The following TXNRD1 variants were observed in gnomAD, a reference collection of about 807,000 sequenced individuals.
TXNRD1 encodes the protein thioredoxin reductase 1, also known as thioredoxin reductase 1, cytoplasmic.
In TXNRD1, 57 loss-of-function variants were observed where a neutral mutation model predicts 80.3. That is an observed-to-expected ratio of 0.71 (90% CI 0.57 to 0.89). The LOEUF is 0.89. Among genes scored for constraint, TXNRD1 ranks in the 40% least tolerant of loss-of-function variants. The pLI is 0.00. For synonymous variants in TXNRD1, 291 were observed against 285.2 expected, an observed-to-expected ratio of 1.02 and a Z score of -0.20; for missense variants, 730 against 803.0, an observed-to-expected ratio of 0.91 and a Z score of 1.10.
chr12:104,285,730 T>A (rs2033956520), intron 3 of TXNRD1, among the ~76,000 whole-genome samples: 1 of 152,214 alleles, frequency 6.6e-6, no homozygotes, highest in Non-Finnish European at 1.5e-5. Context: ...GATAAAGGCA[T>A]ATAAAATTAT....
At chr12:104,316,746 T>G (rs2035341404) in intron 7 of TXNRD1, among the ~76,000 whole-genome samples, 1 of 152,218 alleles carries the variant, frequency 6.6e-6, no homozygotes, top group African/African-American at 2.4e-5. Context: ...AAATGAGATC[T>G]GGCATAGCTT....
chr12:104,253,161 C>G (rs1284287823), intron 2 of TXNRD1, among the ~76,000 whole-genome samples: 2 of 152,064 alleles, frequency 1.3e-5, no homozygotes, highest in African/African-American at 4.8e-5. Context: ...CTGTTTCTCT[C>G]TCTCGTTCTG....
At chr12:104,226,181 C>T (rs2032468673) in intron 1 of TXNRD1, among the ~76,000 whole-genome samples, 1 of 151,744 alleles carries the variant, frequency 6.6e-6, no homozygotes, top group South Asian at 2.1e-4. Context: ...GCCTGGGCAA[C>T]AAGAGTGAAA....
chr12:104,309,780 C>A (rs551394580), intron 4 of TXNRD1: 1 of 1,532,236 alleles, frequency 6.5e-7, no homozygotes, highest in East Asian at 2.5e-5. Context: ...GAAGGAGGAA[C>A]CTTGGCCATA....
chr12:104,244,679 A>C lies in TXNRD1; in HGVS notation c.92-6848A>C, dbSNP rs1593700483. Among the ~76,000 whole-genome samples the C allele has an allele frequency of 2.6e-5, 4 of 152,356 alleles. 1 individual carries two copies. Among genetic ancestry groups the C allele is most frequent in the Admixed American group, 2.6e-4 (4 of 15,296 alleles). On this transcript the variant is annotated intron_variant, in intron 1 of 16. Transcript: ENST00000525566. ...TTTGAATCTTGAATAGTATGCAGCC[A>C]CTAAATAAGGTTAGAACAAGAGAGC...
rs377460054 is a variant in TXNRD1 at position 104,270,372 on chromosome 12, A to G, written c.304+12293A>G. Among the ~76,000 whole-genome samples the G allele has an allele frequency of 3.9e-5, 6 of 152,348 alleles. No individual in the cohort carries two copies. In the East Asian group the frequency reaches 5.8e-4, roughly 15 times the overall value. ...GATTTTGTTAGTAGTCATGAAAACA[A>G]CATTCATCTCCTTGTACATCTCCAT... On this transcript the variant is annotated intron_variant, in intron 3 of 16. Transcript: ENST00000525566.
At position 104,249,919 on chromosome 12, in the gene TXNRD1, G is replaced by C. The variant is rs569637343; in HGVS notation, c.92-1608G>C. ...CCACTGTACTCCAGCCTTGGCAACA[G>C]AGCGAGACGCCGTCTCAAAAAAAAA... On this transcript the variant is annotated intron_variant, in intron 1 of 16. Transcript: ENST00000525566. Among the ~76,000 whole-genome samples the C allele has an allele frequency of 3.6e-4, 44 of 123,008 alleles. 1 individual carries two copies. The South Asian group carries it at 0.012, about 33-fold the overall frequency. 80.7% of individuals were successfully genotyped at this position (123,008 alleles called of 152,430 possible). A position where few individuals can be genotyped will look rare whatever the true frequency, so the allele number is the denominator to read the frequency against.
At chr12:104,297,174 G>A (rs950354329) in intron 4 of TXNRD1, among the ~76,000 whole-genome samples, 9 of 151,336 alleles carry the variant, frequency 5.9e-5, no homozygotes, top group Middle Eastern at 3.4e-3. Flanking sequence ...GTGTGTTGGC[G>A]GGCGCCTGTA....
intron 4 of TXNRD1, chr12:104,290,879 A>C (rs1387316968): frequency 3.7e-6 from 2 of 534,290 alleles, no homozygotes; most frequent in Non-Finnish European, 6.5e-6. Flanking sequence ...TTTTAATGGC[A>C]ATGGGAGTAA....
At chr12:104,254,830 C>T (rs1007159824) in intron 2 of TXNRD1, among the ~76,000 whole-genome samples, 16 of 151,220 alleles carry the variant, frequency 1.1e-4, no homozygotes, top group African/African-American at 2.7e-4. Flanking sequence ...TACATATGGG[C>T]GCAGTGGCTC....
intron 4 of TXNRD1, among the ~76,000 whole-genome samples, chr12:104,297,482 C>G (rs971685651): frequency 6.6e-6 from 1 of 151,958 alleles, no homozygotes; most frequent in African/African-American, 2.4e-5. Context: ...TCTCCTGCCT[C>G]AGTCTCCCGA....
chr12:104,330,880 G>A (rs2035925169), intron 13 of TXNRD1, among the ~76,000 whole-genome samples: 1 of 152,024 alleles, frequency 6.6e-6, no homozygotes, highest in South Asian at 2.1e-4. Context: ...GAGCCACTGC[G>A]CCCGGCCCTA....
At chr12:104,245,008 G>C (rs908141738) in intron 1 of TXNRD1, among the ~76,000 whole-genome samples, 1 of 152,150 alleles carries the variant, frequency 6.6e-6, no homozygotes, top group African/African-American at 2.4e-5. Flanking sequence ...GTTCCACTGG[G>C]TTTTACAGGA....
chr12:104,305,042 T>C (rs748364689), intron 4 of TXNRD1: 18 of 1,197,484 alleles, frequency 1.5e-5, no homozygotes, highest in Non-Finnish European at 1.9e-5. Context: ...TGAAAAAGTA[T>C]TTTCAAGAAC....
chr12:104,316,780 C>T (rs1191851520), intron 7 of TXNRD1, among the ~76,000 whole-genome samples: 2 of 152,172 alleles, frequency 1.3e-5, no homozygotes. Flanking sequence ...TGACATATGT[C>T]ACTCTGTTGT....
At chr12:104,346,380 A>G (rs2036492800) in intron 16 of TXNRD1, among the ~76,000 whole-genome samples, 1 of 152,178 alleles carries the variant, frequency 6.6e-6, no homozygotes, top group Non-Finnish European at 1.5e-5. Context: ...TAAGAACAAC[A>G]TCAATATGAG....
chr12:104,305,045 T>C (rs2034839326), intron 4 of TXNRD1: 3 of 1,135,368 alleles, frequency 2.6e-6, no homozygotes, highest in Non-Finnish European at 3.6e-6. Context: ...AAAAGTATTT[T>C]CAAGAACATC....
At chr12:104,321,412 T>C in intron 10 of TXNRD1, 96 bp downstream of exon 10, 2 of 976,466 alleles carry the variant, frequency 2.0e-6, no homozygotes, top group South Asian at 3.0e-5. Flanking sequence ...TTCAGCATTA[T>C]AAACCATCAG....
At chr12:104,343,538 T>G (rs531784168) in intron 16 of TXNRD1, among the ~76,000 whole-genome samples, 1 of 152,104 alleles carries the variant, frequency 6.6e-6, no homozygotes, top group South Asian at 2.1e-4. Context: ...GGTGGCTCAC[T>G]CCTATAATCC....
Sources: allele counts gnomAD v4.1 joint callset (sites outside exome capture counted in the v4.1 genomes callset), GRCh38; gene constraint gnomAD v4.1.1; transcripts MANE v1.5; gene names NCBI Gene and HGNC (gene_info 2026-07-23, HGNC 2026-07-21).